The following ACACB variants were observed in gnomAD, a reference collection of about 807,000 sequenced individuals.
ACACB encodes acetyl-CoA carboxylase beta, also known as acetyl-CoA carboxylase 2.
In ACACB, 209 loss-of-function variants were observed where a neutral mutation model predicts 278.8. That is an observed-to-expected ratio of 0.75 (90% CI 0.67 to 0.84). The LOEUF (loss-of-function observed/expected upper bound fraction) is 0.84. ACACB is among the 40% of genes least tolerant of loss of function. The pLI, the probability that ACACB is intolerant of heterozygous loss-of-function variation, is 0.00. For synonymous variants in ACACB, 1,174 were observed against 1,285.6 expected (o/e 0.91, Z 1.86); for missense variants, 2,850 against 3,269.0 (o/e 0.87, Z 3.13).
At chr12:109,238,017 A>G (rs2136645289) in intron 34 of ACACB, among the ~76,000 whole-genome samples, 1 of 151,700 alleles carries the variant, frequency 6.6e-6, no homozygotes, top group Admixed American at 6.6e-5. Context: ...ATCACAAAAA[A>G]AAAAAAAAAA....
chr12:109,212,344 C>T (rs2045873285), intron 21 of ACACB, among the ~76,000 whole-genome samples: 1 of 151,994 alleles, frequency 6.6e-6, no homozygotes, highest in Non-Finnish European at 1.5e-5. Context: ...GATTCAAGCA[C>T]GTTACATTTA....
At position 109,223,875 on chromosome 12, in the gene ACACB, A is replaced by C. The variant is rs1315304117; in HGVS notation, c.3853A>C (p.Asn1285His). 9 of 1,614,022 alleles carry C rather than the reference A, an allele frequency of 5.6e-6. No homozygotes were observed. The highest frequency in any genetic ancestry group is 7.6e-6 in the Non-Finnish European group (9 of 1,179,994). Residue 1285 changes from asparagine to histidine, a missense_variant, in exon 27 of 53, where the codon AAC becomes CAC. Physicochemically the swap from Asn to His is moderately conservative, Grantham distance 68. Coordinates refer to ENST00000338432, the MANE Select transcript of ACACB (RefSeq NM_001093.4). ...CCTGCCTACTTTCTTCTATCACGCA[A>C]ACAAAGTCGTGTGCATGGCGTCCTT... ...DVLPTFFYHA[N>H]KVVCMASLEV...
intron 2 of ACACB, among the ~76,000 whole-genome samples, chr12:109,140,890 C>CTTTTTTTTTTTTT (rs386377714): frequency 2.5e-4 from 22 of 86,754 alleles, no homozygotes; most frequent in Middle Eastern, 8.8e-3. Flanking sequence ...TTCATTCATT[C>CTTTTTTTTTTTTT]TTTTTTTTTT....
At chr12:109,233,183 G>T (rs1201330338) in intron 29 of ACACB, among the ~76,000 whole-genome samples, 1 of 152,064 alleles carries the variant, frequency 6.6e-6, no homozygotes, top group Non-Finnish European at 1.5e-5. Context: ...TCACTTCATA[G>T]GTGCGCCATG....
At chr12:109,148,918 T>C (rs898611623) in intron 2 of ACACB, among the ~76,000 whole-genome samples, 1 of 152,192 alleles carries the variant, frequency 6.6e-6, no homozygotes, top group African/African-American at 2.4e-5. Flanking sequence ...TTCTTCTGCA[T>C]TTTCTAACTT....
rs944628807 is a variant in ACACB at position 109,246,272 on chromosome 12, A to G, written c.5395A>G (p.Ile1799Val). 3 of 1,613,366 alleles carry G rather than the reference A, an allele frequency of 1.9e-6. No homozygotes were observed. Among genetic ancestry groups the G allele is most frequent in the Admixed American group, 1.7e-5 (1 of 59,890 alleles). The change falls in exon 39 of 53, where the codon ATT becomes GTT. Residue 1799 changes from isoleucine to valine, a missense_variant. Ile to Val is a conservative substitution (Grantham distance 29). Transcript: ENST00000338432. ...CATCGGCAATGACATCACCTTTCGC[A>G]TTGGATCCTTTGGCCCTGGAGAGGA... ...IVIGNDITFR[I>V]GSFGPGEDLL...
In ACACB at chr12:109,265,539, G is replaced by T. The variant is rs761686971; in HGVS notation, c.7250+14G>T. 1 of 1,611,402 alleles carries T rather than the reference G, an allele frequency of 6.2e-7. No individual in the cohort carries two copies. Among genetic ancestry groups the T allele is most frequent in the Non-Finnish European group, 8.5e-7 (1 of 1,178,854 alleles). ...GACCATCCGAGGGTGAGTGGCCACC[G>T]CACCTGCTTCCCAGCCTCCTGGCAA... On this transcript the variant is annotated intron_variant, in intron 52 of 52. Coordinates refer to ENST00000338432, the MANE Select transcript of ACACB (RefSeq NM_001093.4).
At chr12:109,223,288 C>T (rs2046227517) in intron 26 of ACACB, among the ~76,000 whole-genome samples, 1 of 152,166 alleles carries the variant, frequency 6.6e-6, no homozygotes. Flanking sequence ...GGTACCCCCT[C>T]AGTGCCTGAT....
chr12:109,227,445 C>A lies in ACACB; in HGVS notation c.3957C>A (p.Cys1319Ter). ...LQHRQLPDGT[C>*]VVEFQFMLPS... ...ACCGGCAGCTCCCGGACGGCACCTG[C>A]GTGGTAGAATTCCAGTTCATGCTGC... The change falls in exon 28 of 53, where the codon TGC becomes TGA. Residue 1319 changes from cysteine to a stop codon, truncating the protein, a stop_gained. Coordinates refer to ENST00000338432, the MANE Select transcript of ACACB (RefSeq NM_001093.4). LOFTEE classifies it high-confidence loss of function. 3 of 1,614,022 alleles carry A rather than the reference C, an allele frequency of 1.9e-6. No homozygotes were observed. In the South Asian group the frequency reaches 3.3e-5, roughly 18 times the overall value.
chr12:109,210,204 TA>T (rs2045721495), intron 21 of ACACB, among the ~76,000 whole-genome samples: 1 of 81,568 alleles, frequency 1.2e-5, no homozygotes, highest in Non-Finnish European at 2.3e-5. Flanking sequence ...TATATGTATA[TA>T]TGTATATATA....
intron 1 of ACACB, chr12:109,125,201 G>C (rs776887660): frequency 6.6e-6 from 1 of 152,082 alleles, no homozygotes; most frequent in Non-Finnish European, 1.5e-5. Context: ...TTTTTGTTTT[G>C]AGGGGTGTTA....
chr12:109,242,620 C>T, intron 37 of ACACB, 28 bp downstream of exon 37: 1 of 1,611,942 alleles, frequency 6.2e-7, no homozygotes, highest in Non-Finnish European at 8.5e-7. Flanking sequence ...GACGCGGTAC[C>T]CCCTGGGTCC....
intron 11 of ACACB, among the ~76,000 whole-genome samples, 192 bp downstream of exon 11, chr12:109,180,279 A>C (rs2044422658): frequency 6.6e-6 from 1 of 152,230 alleles, no homozygotes; most frequent in African/African-American, 2.4e-5. Context: ...ATTTCAGGAC[A>C]TTCATAGACC....
chr12:109,131,808 T>C (rs1307126611), intron 1 of ACACB, among the ~76,000 whole-genome samples: 1 of 152,182 alleles, frequency 6.6e-6, no homozygotes, highest in Admixed American at 6.5e-5. Flanking sequence ...CTTGTCATGA[T>C]AGCGTCCACA....
chr12:109,153,365 GCA>G (rs1230524287), intron 2 of ACACB, among the ~76,000 whole-genome samples: 1 of 152,188 alleles, frequency 6.6e-6, no homozygotes, highest in Non-Finnish European at 1.5e-5. Context: ...TGCATAGAAT[GCA>G]TAATGATTGT....
At chr12:109,176,340 A>G (rs2044282726) in intron 9 of ACACB, 77 bp downstream of exon 9, 1 of 1,312,554 alleles carries the variant, frequency 7.6e-7, no homozygotes, top group Non-Finnish European at 1.1e-6. Context: ...TTCTCTTAGC[A>G]TTATTCTGTG....
chr12:109,127,572 CTGGG>C (rs897399697), intron 1 of ACACB, among the ~76,000 whole-genome samples: 4 of 151,454 alleles, frequency 2.6e-5, no homozygotes, highest in African/African-American at 9.7e-5. Flanking sequence ...GCACTCTGGC[CTGGG>C]TGATAGATCC....
chr12:109,265,314 C>T (rs1555238692), intron 51 of ACACB, 34 bp downstream of exon 51: 1 of 1,611,320 alleles, frequency 6.2e-7, no homozygotes, highest in Admixed American at 1.7e-5. Flanking sequence ...CCGGTGAGCA[C>T]AGGGGGTGCT....
intron 34 of ACACB, among the ~76,000 whole-genome samples, 161 bp from the exon 35 acceptor site, chr12:109,239,669 C>T (rs750793472): frequency 2.6e-5 from 4 of 152,250 alleles, no homozygotes; most frequent in African/African-American, 9.6e-5. Flanking sequence ...GCAGTCCCTT[C>T]GCCTCTGAGA....
Sources: allele counts gnomAD v4.1 joint callset (sites outside exome capture counted in the v4.1 genomes callset), GRCh38; gene constraint gnomAD v4.1.1; transcripts MANE v1.5; gene names NCBI Gene and HGNC (gene_info 2026-07-23, HGNC 2026-07-21).